MYO1E: variants seen among roughly 807,000 people sequenced by gnomAD.
MYO1E encodes myosin IE.
MYO1E carries 68 observed loss-of-function variants against 151.1 expected under a neutral mutation model. The ratio of observed to expected loss-of-function variants is 0.45; its 90% CI spans 0.37 to 0.55. MYO1E has a LOEUF of 0.55. Among genes scored for constraint, MYO1E ranks in the 20% least tolerant of loss-of-function variants. MYO1E has a pLI of 0.00. For missense variants in MYO1E, 1,363 were observed against 1,389.3 expected, an observed-to-expected ratio of 0.98 and a Z score of 0.30; for synonymous variants, 601 against 501.7, an observed-to-expected ratio of 1.20 and a Z score of -2.64.
intron 1 of MYO1E, among the ~76,000 whole-genome samples, chr15:59,281,827 G>A (rs1034571568): frequency 1.3e-5 from 2 of 151,990 alleles, no homozygotes; most frequent in African/African-American, 2.4e-5. Flanking sequence ...AGCCGGTCGC[G>A]GTGGCTCATG....
intron 6 of MYO1E, among the ~76,000 whole-genome samples, chr15:59,230,598 A>G (rs1381939589): frequency 1.3e-5 from 2 of 152,202 alleles, no homozygotes; most frequent in African/African-American, 4.8e-5. Flanking sequence ...TCTTCAGGAT[A>G]ACACAACTCA....
At chr15:59,225,445 T>A (rs1347855015) in intron 7 of MYO1E, among the ~76,000 whole-genome samples, 1 of 152,282 alleles carries the variant, frequency 6.6e-6, no homozygotes, top group South Asian at 2.1e-4. Flanking sequence ...CCTGTCGATG[T>A]CGCCCTGAGG....
At chr15:59,198,765 G>C (rs1349389689) in intron 16 of MYO1E, among the ~76,000 whole-genome samples, 1 of 151,546 alleles carries the variant, frequency 6.6e-6, no homozygotes, top group Non-Finnish European at 1.5e-5. Flanking sequence ...GTTGCAGTGA[G>C]CCAAGATCGC....
intron 18 of MYO1E, among the ~76,000 whole-genome samples, chr15:59,183,450 T>TCA (rs2079676808): frequency 6.6e-6 from 1 of 151,950 alleles, no homozygotes; most frequent in African/African-American, 2.4e-5. Context: ...TCCTCCTGCC[T>TCA]CAGCCTCCCA....
intron 1 of MYO1E, among the ~76,000 whole-genome samples, chr15:59,344,758 C>A (rs1159294677): frequency 2.0e-5 from 3 of 152,196 alleles, no homozygotes; most frequent in African/African-American, 7.2e-5. Context: ...AAGCAGGTAT[C>A]TCTTCCCGTG....
chr15:59,148,762 G>C (rs1167494597), intron 26 of MYO1E, among the ~76,000 whole-genome samples: 1 of 152,134 alleles, frequency 6.6e-6, no homozygotes. Context: ...CCCCTCCTTT[G>C]TGGCATGCCC....
chr15:59,146,715 C>G (rs1310282378), intron 26 of MYO1E, among the ~76,000 whole-genome samples: 1 of 148,326 alleles, frequency 6.7e-6, no homozygotes, highest in African/African-American at 2.5e-5. Context: ...ATATATATTA[C>G]TTATATTGTA....
intron 16 of MYO1E, 150 bp from the exon 17 acceptor site, chr15:59,195,717 A>G: frequency 1.3e-6 from 1 of 793,590 alleles, no homozygotes; most frequent in Middle Eastern, 2.3e-4. Flanking sequence ...CAGGTCTACT[A>G]AACTTTCCGA....
chr15:59,147,012 A>T (rs1242725574), intron 26 of MYO1E, among the ~76,000 whole-genome samples: 2 of 152,208 alleles, frequency 1.3e-5, no homozygotes, highest in African/African-American at 4.8e-5. Context: ...AATTAAGTAC[A>T]CTACATCCAG....
chr15:59,218,805 C>T lies in MYO1E; in HGVS notation c.911-718G>A, dbSNP rs375310322. 9.9e-5 allele frequency among the ~76,000 whole-genome samples: 15 copies of T among 152,038 alleles called. No homozygotes were observed. In the East Asian group the frequency reaches 1.2e-3, roughly 12 times the overall value. On this transcript the variant is annotated intron_variant, in intron 9 of 27. Transcript: ENST00000288235. ...TTGAGCTGGGTGTAAAGGATGAATA[C>T]GATTTGTGCAGATGCAGAGAGGAGA...
At chr15:59,254,067 G>A (rs1168395036) in intron 4 of MYO1E, among the ~76,000 whole-genome samples, 15 of 151,822 alleles carry the variant, frequency 9.9e-5, no homozygotes, top group African/African-American at 3.6e-4. Context: ...GGAAAATCAT[G>A]GAATTGGAAT....
intron 1 of MYO1E, among the ~76,000 whole-genome samples, chr15:59,336,680 C>T (rs2080730848): frequency 6.6e-6 from 1 of 151,980 alleles, no homozygotes; most frequent in South Asian, 2.1e-4. Context: ...ATACACGTGC[C>T]ATGATGGTTT....
Position 59,336,370 on chromosome 15 carries a change from C to CA in MYO1E, c.3+36127dup, listed in dbSNP as rs547647765. Among the ~76,000 whole-genome samples the CA allele has an allele frequency of 5.5e-4, 82 of 148,996 alleles. 1 individual carries two copies. Among genetic ancestry groups the CA allele is most frequent in the African/African-American group, 1.4e-3 (57 of 40,438 alleles). Reference sequence around the variant, plus strand: ...CGGTGATGGGAGTGAAACGCTGTCTCAAAAAAAAGAAAAGAAAAAACCCTA... The same window carrying CA: ...CGGTGATGGGAGTGAAACGCTGTCTCAAAAAAAAAGAAAAGAAAAAACCCTA... On this transcript the variant is annotated intron_variant, in intron 1 of 27. Transcript: ENST00000288235.
At chr15:59,339,575 T>A (rs1270798997) in intron 1 of MYO1E, among the ~76,000 whole-genome samples, 2 of 152,198 alleles carry the variant, frequency 1.3e-5, no homozygotes, top group Admixed American at 6.5e-5. Context: ...TAGGCTCCCA[T>A]CCCAGACATT....
At chr15:59,321,287 A>G (rs1471980386) in intron 1 of MYO1E, among the ~76,000 whole-genome samples, 1 of 152,216 alleles carries the variant, frequency 6.6e-6, no homozygotes, top group African/African-American at 2.4e-5. Context: ...TTCTCAAAGA[A>G]CCTAAAACAG....
At chr15:59,347,297 A>G (rs1398908549) in intron 1 of MYO1E, among the ~76,000 whole-genome samples, 12 of 152,156 alleles carry the variant, frequency 7.9e-5, no homozygotes, top group African/African-American at 2.9e-4. Flanking sequence ...TCTAATACCG[A>G]TTATCTGAGG....
chr15:59,284,411 G>C (rs2080375214), intron 1 of MYO1E, among the ~76,000 whole-genome samples: 1 of 152,140 alleles, frequency 6.6e-6, no homozygotes, highest in Non-Finnish European at 1.5e-5. Context: ...GTCCAGTTAA[G>C]AGTAACAGAT....
At chr15:59,276,055 A>G (rs371219096) in intron 1 of MYO1E, among the ~76,000 whole-genome samples, 6 of 152,154 alleles carry the variant, frequency 3.9e-5, no homozygotes, top group African/African-American at 1.4e-4. Context: ...GACACAAACT[A>G]CCGCCCTAGA....
intron 1 of MYO1E, among the ~76,000 whole-genome samples, chr15:59,346,635 T>C (rs891384906): frequency 5.9e-5 from 9 of 152,050 alleles, no homozygotes; most frequent in Non-Finnish European, 1.0e-4. Context: ...ACTTAAGAAA[T>C]GGGGAAGATG....
Sources: allele counts gnomAD v4.1 joint callset (sites outside exome capture counted in the v4.1 genomes callset), GRCh38; gene constraint gnomAD v4.1.1; transcripts MANE v1.5; gene names NCBI Gene and HGNC (gene_info 2026-07-23, HGNC 2026-07-21).